SYNRG: variants seen among roughly 807,000 people sequenced by gnomAD.
The protein encoded by SYNRG is AP1 gamma subunit binding protein 1.
SYNRG carries 37 observed loss-of-function variants against 130.9 expected under a neutral mutation model. That is an observed-to-expected ratio of 0.28 (90% confidence interval 0.22 to 0.37). The LOEUF is 0.37. Among genes scored for constraint, SYNRG ranks in the 10% least tolerant of loss-of-function variants. The pLI, the probability that SYNRG is intolerant of heterozygous loss-of-function variation, is 1.00. For synonymous variants in SYNRG, 539 were observed against 568.1 expected, an observed-to-expected ratio of 0.95 and a Z score of 0.73; for missense variants, 1,338 against 1,588.9, an observed-to-expected ratio of 0.84 and a Z score of 2.68.
intron 19 of SYNRG, among the ~76,000 whole-genome samples, chr17:37,524,767 G>C (rs1012790711): frequency 6.6e-6 from 1 of 152,224 alleles, no homozygotes; most frequent in African/African-American, 2.4e-5. Flanking sequence ...GAAGTGAAAA[G>C]TAGTCTATAT....
intron 3 of SYNRG, among the ~76,000 whole-genome samples, chr17:37,587,368 T>C (rs2061777371): frequency 6.6e-6 from 1 of 152,196 alleles, no homozygotes; most frequent in South Asian, 2.1e-4. Flanking sequence ...GGCTAATTTT[T>C]AATGAGTGAA....
intron 11 of SYNRG, chr17:37,567,578 T>G (rs567514647): frequency 6.6e-6 from 1 of 152,252 alleles, no homozygotes; most frequent in Non-Finnish European, 1.5e-5. Flanking sequence ...CAGCACTCTA[T>G]GGTCACATTC....
rs1005189416 is a variant in SYNRG at position 37,562,999 on chromosome 17, A to C, written c.1482-1410T>G. ...ATTATATTCACAGAATTGGAAAAAA[A>C]AACAACAACAGAATCTTTAGGGTAA... On this transcript the variant is annotated intron_variant, in intron 11 of 21. Coordinates refer to ENST00000612223, the MANE Select transcript of SYNRG (RefSeq NM_007247.6). Among the ~76,000 whole-genome samples the C allele has an allele frequency of 1.2e-4, 19 of 152,234 alleles. No homozygotes were observed. The East Asian group carries it at 1.3e-3, about 11-fold the overall frequency.
chr17:37,552,606 A>G (rs1375506828), intron 14 of SYNRG, among the ~76,000 whole-genome samples: 1 of 152,210 alleles, frequency 6.6e-6, no homozygotes, highest in Non-Finnish European at 1.5e-5. Flanking sequence ...TTCTTCTCTT[A>G]AAAGGATGTG....
chr17:37,547,230 A>G (rs2058353372), intron 14 of SYNRG, among the ~76,000 whole-genome samples: 1 of 152,246 alleles, frequency 6.6e-6, no homozygotes, highest in Admixed American at 6.5e-5. Context: ...TTCAAAAAAG[A>G]AAACTGGAAA....
intron 14 of SYNRG, among the ~76,000 whole-genome samples, chr17:37,545,877 G>C (rs2058238284): frequency 6.6e-6 from 1 of 152,158 alleles, no homozygotes; most frequent in Non-Finnish European, 1.5e-5. Flanking sequence ...TAATTCATTT[G>C]AACACCAGTA....
In SYNRG at chr17:37,530,825, T is replaced by C. The variant is rs141122206; in HGVS notation, c.3666+5154A>G. Among the ~76,000 whole-genome samples the C allele has an allele frequency of 5.3e-3, 808 of 152,312 alleles. 4 individuals carry two copies. Among genetic ancestry groups the C allele is most frequent in the African/African-American group, 0.019 (772 of 41,560 alleles). On this transcript the variant is annotated intron_variant, in intron 19 of 21. Transcript: ENST00000612223. ...GGGGCAGTGATGTGTGGTACTATAG[T>C]CCTCCTTAGTCAGGTGGACTGTCAG...
chr17:37,525,775 G>A (rs978225849), intron 19 of SYNRG, among the ~76,000 whole-genome samples: 3 of 152,242 alleles, frequency 2.0e-5, no homozygotes, highest in Non-Finnish European at 2.9e-5. Flanking sequence ...AGACCAGCCT[G>A]GCCAACATGG....
At chr17:37,527,065 G>C (rs1162792659) in intron 19 of SYNRG, among the ~76,000 whole-genome samples, 2 of 152,152 alleles carry the variant, frequency 1.3e-5, no homozygotes, top group East Asian at 1.9e-4. Flanking sequence ...ATATGTCACA[G>C]CAATAGGAAA....
In SYNRG at chr17:37,590,951, T is replaced by C. The variant is rs148664361; in HGVS notation, c.241-4402A>G. On this transcript the variant is annotated intron_variant, in intron 3 of 21. Coordinates refer to ENST00000612223, the MANE Select transcript of SYNRG (RefSeq NM_007247.6). ...AGAACTATAAACACCGAATTCATGA[T>C]AGTGATAACAACTTCTGAGGAAGGA... 1.5e-3 allele frequency among the ~76,000 whole-genome samples: 226 copies of C among 152,190 alleles called. 2 individuals carry two copies. The East Asian group carries it at 0.02, about 13-fold the overall frequency.
chr17:37,566,176 G>A (rs1042491906), intron 11 of SYNRG, among the ~76,000 whole-genome samples: 1 of 152,280 alleles, frequency 6.6e-6, no homozygotes, highest in Admixed American at 6.5e-5. Flanking sequence ...GACAATGGCG[G>A]CTTTGTGGAA....
intron 19 of SYNRG, among the ~76,000 whole-genome samples, chr17:37,522,731 C>T (rs1451810062): frequency 6.6e-6 from 1 of 151,462 alleles, no homozygotes; most frequent in Non-Finnish European, 1.5e-5. Flanking sequence ...AGCTCCACCT[C>T]CTGGGTTCAA....
At chr17:37,530,127 G>A (rs766323952) in intron 19 of SYNRG, among the ~76,000 whole-genome samples, 22 of 152,004 alleles carry the variant, frequency 1.4e-4, no homozygotes, top group Admixed American at 6.6e-4. Context: ...CACTCCCCCC[G>A]ACAAAAACTT....
chr17:37,553,438 T>A lies in SYNRG; in HGVS notation c.2285A>T (p.Asp762Val). ...SLEGSGLGVE[D>V]LKDNTPSGKS... The stretch of plus-strand genomic sequence containing the variant: ...TCCTGAAGGAGTGTTATCTTTCAGG[T>A]CTTCAACACCTAGTCCAGACCCTTC... Residue 762 changes from aspartate (D) to valine (V), a missense_variant, in exon 14 of 22, where the codon GAC becomes GTC. Physicochemically the swap from Asp to Val is radical, Grantham distance 152. This residue lies in a region of SYNRG where 1,146 missense variants were observed against 1,342.3 expected (regional missense o/e 0.85). Transcript: ENST00000612223. The A allele has an allele frequency of 6.2e-7, 1 of 1,614,182 alleles. No individual in the cohort carries two copies. The highest frequency in any genetic ancestry group is 8.5e-7 in the Non-Finnish European group (1 of 1,180,016).
intron 14 of SYNRG, among the ~76,000 whole-genome samples, chr17:37,548,444 CT>C (rs1350337932): frequency 2.0e-5 from 3 of 152,286 alleles, no homozygotes; most frequent in Non-Finnish European, 4.4e-5. Flanking sequence ...TAACCTAAAC[CT>C]CTATATGCAA....
intron 2 of SYNRG, among the ~76,000 whole-genome samples, chr17:37,596,974 C>G (rs940044880): frequency 6.6e-6 from 1 of 152,140 alleles, no homozygotes; most frequent in Non-Finnish European, 1.5e-5. Flanking sequence ...TCTTGAACTC[C>G]TGACCTCAAC....
In SYNRG at chr17:37,536,550, G is replaced by T. The variant is rs527776468; in HGVS notation, c.3518-423C>A. ...GTTATTAGCTTTTGTTTTTTGGGAG[G>T]TTTATTTATGAGTCCATCTGTTTGA... On this transcript the variant is annotated intron_variant, in intron 18 of 21. Coordinates refer to ENST00000612223, the MANE Select transcript of SYNRG (RefSeq NM_007247.6). 105 of 161,564 alleles carry T rather than the reference G, an allele frequency of 6.5e-4. 1 individual carries two copies. In the South Asian group the frequency reaches 0.02, roughly 31 times the overall value. The allele number at this position is 161,564 out of a possible 1,614,324, so 10.0% of individuals were successfully genotyped here.
chr17:37,538,046 A>G (rs548878283), intron 18 of SYNRG, among the ~76,000 whole-genome samples: 4 of 152,384 alleles, frequency 2.6e-5, no homozygotes, highest in East Asian at 1.9e-4. Flanking sequence ...ACTTTAGTGC[A>G]TCGGTAGTTC....
At chr17:37,605,432 C>T (rs2063667667) in intron 1 of SYNRG, among the ~76,000 whole-genome samples, 1 of 152,156 alleles carries the variant, frequency 6.6e-6, no homozygotes, top group African/African-American at 2.4e-5. Context: ...TCTGGTTTCC[C>T]CTCTGTCAAA....
Sources: allele counts gnomAD v4.1 joint callset (sites outside exome capture counted in the v4.1 genomes callset), GRCh38; gene constraint gnomAD v4.1.1; regional missense constraint gnomAD v4.1.1; transcripts MANE v1.5; gene names NCBI Gene and HGNC (gene_info 2026-07-23, HGNC 2026-07-21).